Variants in LHFPL2 observed in about 807,000 individuals in gnomAD.
LHFPL2 encodes LHFPL tetraspan subfamily member 2.
A neutral mutation model predicts 17.5 loss-of-function variants in LHFPL2; 7 were observed. The observed-to-expected ratio is 0.40, with a 90% confidence interval of 0.23 to 0.75. The LOEUF (loss-of-function observed/expected upper bound fraction) is 0.75, where lower values mean the gene tolerates loss of function less well. Among genes scored for constraint, LHFPL2 ranks in the 30% least tolerant of loss-of-function variants. LHFPL2 has a pLI of 0.37. For missense variants in LHFPL2, 241 were observed against 294.8 expected, an observed-to-expected ratio of 0.82 and a Z score of 1.34; for synonymous variants, 134 against 116.2, an observed-to-expected ratio of 1.15 and a Z score of -0.99.
intron 2 of LHFPL2, among the ~76,000 whole-genome samples, chr5:78,613,764 G>A (rs1744499558): frequency 6.6e-6 from 1 of 152,134 alleles, no homozygotes. Flanking sequence ...TTTCAATCAA[G>A]CAGAGCTGCA....
At chr5:78,492,801 A>G (rs966927835) in intron 4 of LHFPL2, among the ~76,000 whole-genome samples, 1 of 152,246 alleles carries the variant, frequency 6.6e-6, no homozygotes, top group African/African-American at 2.4e-5. Flanking sequence ...CGGGTGAGGT[A>G]TATCTGCCCT....
intron 3 of LHFPL2, among the ~76,000 whole-genome samples, chr5:78,532,289 G>A (rs1417879466): frequency 1.3e-5 from 2 of 152,066 alleles, no homozygotes; most frequent in African/African-American, 4.8e-5. Flanking sequence ...CGAACTCCTG[G>A]GCTCAAGCGA....
intron 2 of LHFPL2, among the ~76,000 whole-genome samples, chr5:78,566,738 G>A (rs1353710800): frequency 1.3e-5 from 2 of 152,216 alleles, no homozygotes; most frequent in East Asian, 1.9e-4. Context: ...GATTACAGGC[G>A]TGAGCCACTG....
intron 1 of LHFPL2, among the ~76,000 whole-genome samples, chr5:78,643,181 G>A (rs765005004): frequency 1.3e-5 from 2 of 152,038 alleles, no homozygotes; most frequent in African/African-American, 4.8e-5. Context: ...TACTGTCAGC[G>A]CCCTGGCTGC....
chr5:78,581,083 C>T (rs1743115229), intron 2 of LHFPL2, among the ~76,000 whole-genome samples: 2 of 152,034 alleles, frequency 1.3e-5, no homozygotes, highest in Admixed American at 1.3e-4. Context: ...AGTTGGATTC[C>T]TAGGTATTTT....
At chr5:78,640,426 C>T (rs1745625449) in intron 1 of LHFPL2, among the ~76,000 whole-genome samples, 1 of 152,192 alleles carries the variant, frequency 6.6e-6, no homozygotes, top group South Asian at 2.1e-4. Flanking sequence ...TAGTTACATT[C>T]CTGCAGCCTT....
intron 3 of LHFPL2, among the ~76,000 whole-genome samples, chr5:78,524,254 C>T (rs184200604): frequency 7.2e-5 from 11 of 152,140 alleles, no homozygotes; most frequent in Non-Finnish European, 1.0e-4. Flanking sequence ...GTGAGGTTTT[C>T]GGGCACACTC....
At chr5:78,630,434 G>A (rs1745198569) in intron 2 of LHFPL2, among the ~76,000 whole-genome samples, 1 of 152,078 alleles carries the variant, frequency 6.6e-6, no homozygotes, top group Non-Finnish European at 1.5e-5. Flanking sequence ...TATTTTCTTA[G>A]CTTATTTTTC....
Position 78,563,462 on chromosome 5 carries a change from G to A in LHFPL2, c.-186+1351C>T, listed in dbSNP as rs546037558. On this transcript the variant is annotated intron_variant, in intron 3 of 4. Transcript: ENST00000380345. ...TGTAATCCTAGCACTTTGGGAGGCTGAGGTGGGCAGAGCACTTGAGGTCAG... is the reference window on the plus strand; with the variant it reads ...TGTAATCCTAGCACTTTGGGAGGCTAAGGTGGGCAGAGCACTTGAGGTCAG... Among the ~76,000 whole-genome samples, 449 of 152,218 alleles carry A rather than the reference G, an allele frequency of 2.9e-3. 3 individuals are homozygous for A. The highest frequency in any genetic ancestry group is 0.01 in the African/African-American group (432 of 41,534).
At chr5:78,535,323 C>A (rs1755915351) in intron 3 of LHFPL2, among the ~76,000 whole-genome samples, 1 of 152,190 alleles carries the variant, frequency 6.6e-6, no homozygotes, top group Non-Finnish European at 1.5e-5. Context: ...CAGACACAGA[C>A]ACTGACAGAC....
intron 2 of LHFPL2, among the ~76,000 whole-genome samples, chr5:78,579,397 T>A (rs1194730925): frequency 2.0e-5 from 3 of 152,094 alleles, no homozygotes; most frequent in African/African-American, 7.2e-5. Context: ...AATGTGCAGG[T>A]TAGTTACATA....
chr5:78,589,820 G>T (rs1488328574), intron 2 of LHFPL2, among the ~76,000 whole-genome samples: 8 of 152,214 alleles, frequency 5.3e-5, no homozygotes, highest in Non-Finnish European at 8.8e-5. Context: ...CCAGTCCAGA[G>T]CAGGACACAA....
intron 3 of LHFPL2, among the ~76,000 whole-genome samples, chr5:78,534,246 T>C (rs994322091): frequency 1.3e-5 from 2 of 152,136 alleles, no homozygotes; most frequent in Non-Finnish European, 2.9e-5. Flanking sequence ...AGGCGGCCCC[T>C]GGGCCTGGGC....
intron 1 of LHFPL2, among the ~76,000 whole-genome samples, chr5:78,636,965 A>G (rs1368584405): frequency 2.0e-5 from 3 of 152,120 alleles, no homozygotes; most frequent in Non-Finnish European, 4.4e-5. Flanking sequence ...GCCAAGAAAT[A>G]AACAGGCAAG....
chr5:78,629,928 A>G (rs2112511742), intron 2 of LHFPL2, among the ~76,000 whole-genome samples: 1 of 152,334 alleles, frequency 6.6e-6, no homozygotes, highest in East Asian at 1.9e-4. Context: ...AATAGTAAAC[A>G]TTTCACTGAA....
intron 2 of LHFPL2, among the ~76,000 whole-genome samples, chr5:78,607,952 G>C (rs530621503): frequency 3.9e-4 from 59 of 152,278 alleles, no homozygotes; most frequent in African/African-American, 1.4e-3. Context: ...ACACTAAAAA[G>C]CTTTTTAAGA....
At chr5:78,525,398 T>C (rs1389547113) in intron 3 of LHFPL2, among the ~76,000 whole-genome samples, 1 of 152,178 alleles carries the variant, frequency 6.6e-6, no homozygotes, top group Admixed American at 6.5e-5. Flanking sequence ...AGAGTAAGCA[T>C]TCAGTAAATG....
chr5:78,524,681 G>A (rs1220621617), intron 3 of LHFPL2, among the ~76,000 whole-genome samples: 1 of 149,358 alleles, frequency 6.7e-6, no homozygotes, highest in Non-Finnish European at 1.5e-5. Flanking sequence ...GGCAGAGTTT[G>A]CAGTGAGCCA....
intron 3 of LHFPL2, among the ~76,000 whole-genome samples, chr5:78,552,013 T>C (rs1756456049): frequency 6.6e-6 from 1 of 152,228 alleles, no homozygotes; most frequent in Non-Finnish European, 1.5e-5. Flanking sequence ...GTTGAACCTA[T>C]GCACAAAAAT....
Sources: gnomAD v4.1 joint callset for allele counts (sites outside exome capture counted in the v4.1 genomes callset) on GRCh38, gnomAD v4.1.1 for gene constraint, MANE v1.5 for transcripts, NCBI Gene and HGNC (gene_info 2026-07-23, HGNC 2026-07-21) for gene names.